SDK1: variants seen among roughly 807,000 people sequenced by gnomAD.
The protein encoded by SDK1 is protein sidekick-1.
A neutral mutation model predicts 245.5 loss-of-function variants in SDK1; 157 were observed. The ratio of observed to expected loss-of-function variants is 0.64; its 90% CI spans 0.56 to 0.73. The LOEUF is 0.73. SDK1 is among the 30% of genes least tolerant of loss of function. The pLI is 0.00. For missense variants in SDK1, 3,583 were observed against 3,002.3 expected (o/e 1.19, Z -4.52); for synonymous variants, 1,647 against 1,278.5 (o/e 1.29, Z -6.15).
chr7:4,124,241 CG>C, intron 25 of SDK1, among the ~76,000 whole-genome samples: 1 of 152,320 alleles, frequency 6.6e-6, no homozygotes, highest in African/African-American at 2.4e-5. Flanking sequence ...ATGCCCCAAA[CG>C]GGGTGGCTTA....
intron 1 of SDK1, among the ~76,000 whole-genome samples, chr7:3,437,174 C>G (rs1426817131): frequency 1.3e-5 from 2 of 152,086 alleles, no homozygotes; most frequent in Non-Finnish European, 2.9e-5. Flanking sequence ...CAGTACCCTT[C>G]AGGGGTGAAA....
chr7:4,191,999 C>G (rs1783237898), intron 35 of SDK1, among the ~76,000 whole-genome samples: 2 of 152,212 alleles, frequency 1.3e-5, no homozygotes, highest in African/African-American at 4.8e-5. Context: ...CCTGCTCCTC[C>G]TCTCCAGCCA....
At chr7:3,598,238 A>G (rs766628846) in intron 1 of SDK1, among the ~76,000 whole-genome samples, 4 of 152,154 alleles carry the variant, frequency 2.6e-5, no homozygotes, top group Admixed American at 6.5e-5. Flanking sequence ...TTTTATTTAT[A>G]TATTTCCATT....
chr7:3,595,841 A>C (rs1485323214), intron 1 of SDK1, among the ~76,000 whole-genome samples: 4 of 149,616 alleles, frequency 2.7e-5, no homozygotes, highest in East Asian at 1.9e-4. Flanking sequence ...AAAAAAAAAA[A>C]AAAAAAAAAA....
At chr7:3,723,643 G>C (rs1443088941) in intron 4 of SDK1, among the ~76,000 whole-genome samples, 2 of 150,488 alleles carry the variant, frequency 1.3e-5, no homozygotes, top group African/African-American at 4.9e-5. Context: ...ATTTCATTCA[G>C]TTAGTAAGTA....
At chr7:3,998,486 T>C (rs912987750) in intron 14 of SDK1, among the ~76,000 whole-genome samples, 1 of 152,184 alleles carries the variant, frequency 6.6e-6, no homozygotes, top group African/African-American at 2.4e-5. Context: ...TAACAAAATA[T>C]TACATTTAGA....
At chr7:3,812,022 T>TACTGCCA (rs1172845051) in intron 4 of SDK1, among the ~76,000 whole-genome samples, 1 of 152,234 alleles carries the variant, frequency 6.6e-6, no homozygotes, top group Non-Finnish European at 1.5e-5. Context: ...ACACACTTCA[T>TACTGCCA]ACTGCCATCA....
chr7:3,809,418 T>C (rs539276463), intron 4 of SDK1, among the ~76,000 whole-genome samples: 3 of 152,132 alleles, frequency 2.0e-5, no homozygotes, highest in Non-Finnish European at 4.4e-5. Flanking sequence ...CCAGACCGTA[T>C]CCCTGAGATC....
At chr7:4,165,115 T>C (rs903249911) in intron 32 of SDK1, among the ~76,000 whole-genome samples, 1 of 152,126 alleles carries the variant, frequency 6.6e-6, no homozygotes, top group Non-Finnish European at 1.5e-5. Context: ...GGCCAGCACT[T>C]TGGGAGGCTG....
chr7:3,376,325 A>G (rs913721435), intron 1 of SDK1, among the ~76,000 whole-genome samples: 8 of 152,176 alleles, frequency 5.3e-5, no homozygotes, highest in Admixed American at 1.3e-4. Flanking sequence ...TGAATATGCA[A>G]TCCCCAAGCC....
At chr7:3,558,061 T>C (rs376338013) in intron 1 of SDK1, among the ~76,000 whole-genome samples, 107 of 150,886 alleles carry the variant, frequency 7.1e-4, no homozygotes, top group African/African-American at 2.4e-3. Context: ...TTCACAGTTA[T>C]AGTCCCCAAA....
intron 7 of SDK1, among the ~76,000 whole-genome samples, chr7:3,955,256 G>T (rs554889125): frequency 3.3e-5 from 5 of 152,188 alleles, no homozygotes; most frequent in Admixed American, 1.3e-4. Context: ...CTGGCCAGGG[G>T]TCCCCTCAGG....
chr7:4,256,278 G>A (rs997902189), intron 44 of SDK1, among the ~76,000 whole-genome samples: 2 of 152,150 alleles, frequency 1.3e-5, no homozygotes, highest in Non-Finnish European at 2.9e-5. Context: ...TCATTGTTCC[G>A]CTGGGGAGAG....
intron 31 of SDK1, among the ~76,000 whole-genome samples, 185 bp from the exon 32 acceptor site, chr7:4,161,601 C>G (rs143011137): frequency 6.6e-6 from 1 of 152,194 alleles, no homozygotes; most frequent in Non-Finnish European, 1.5e-5. Flanking sequence ...TCCCTCCTAT[C>G]CCGAGGACAG....
At chr7:3,417,305 GC>G (rs1474376841) in intron 1 of SDK1, among the ~76,000 whole-genome samples, 5 of 152,172 alleles carry the variant, frequency 3.3e-5, no homozygotes, top group Admixed American at 2.0e-4. Context: ...GACATGGGCT[GC>G]CCCTGCCCAC....
At chr7:3,312,605 T>G (rs1256763307) in intron 1 of SDK1, among the ~76,000 whole-genome samples, 1 of 152,040 alleles carries the variant, frequency 6.6e-6, no homozygotes, top group Non-Finnish European at 1.5e-5. Flanking sequence ...ATGGACAGGT[T>G]AAAGAGCCAG....
At chr7:4,261,155 G>T (rs2128243769) in intron 44 of SDK1, among the ~76,000 whole-genome samples, 1 of 152,252 alleles carries the variant, frequency 6.6e-6, no homozygotes, top group East Asian at 1.9e-4. Context: ...CAGCCTGGAG[G>T]CTGACCACTC....
At chr7:3,377,129 G>A (rs1781374766) in intron 1 of SDK1, among the ~76,000 whole-genome samples, 1 of 152,128 alleles carries the variant, frequency 6.6e-6, no homozygotes, top group Non-Finnish European at 1.5e-5. Flanking sequence ...CTGTTCTGTA[G>A]TGGGTGTATA....
chr7:3,815,782 C>T (rs931786077), intron 4 of SDK1, among the ~76,000 whole-genome samples: 1 of 151,232 alleles, frequency 6.6e-6, no homozygotes, highest in African/African-American at 2.4e-5. Context: ...CCCAAATCAA[C>T]AGAATATACA....
Sources: allele counts gnomAD v4.1 joint callset (sites outside exome capture counted in the v4.1 genomes callset), GRCh38; gene constraint gnomAD v4.1.1; transcripts MANE v1.5; gene names NCBI Gene and HGNC (gene_info 2026-07-23, HGNC 2026-07-21).